PDZD2: variants seen among roughly 807,000 people sequenced by gnomAD.
The protein encoded by PDZD2 is PDZ domain containing 2.
In PDZD2, 90 loss-of-function variants were observed where a neutral mutation model predicts 220.7. The observed-to-expected ratio is 0.41, with a 90% CI of 0.34 to 0.49. The LOEUF (loss-of-function observed/expected upper bound fraction) is 0.49. PDZD2 is among the 20% of genes least tolerant of loss of function. The probability of loss-of-function intolerance (pLI) is 0.28; values close to 1 mark genes in which losing one functional copy is unlikely to be tolerated. For synonymous variants in PDZD2, 1,375 were observed against 1,450.5 expected (o/e 0.95, Z 1.18); for missense variants, 3,174 against 3,608.5 (o/e 0.88, Z 3.08).
chr5:31,740,602 C>A lies in PDZD2; in HGVS notation c.-360-58287C>A, dbSNP rs1336912580. 2.0e-5 allele frequency among the ~76,000 whole-genome samples: 3 copies of A among 148,296 alleles called. No homozygotes were observed. In the East Asian group the frequency reaches 6.1e-4, roughly 30 times the overall value. On this transcript the variant is annotated intron_variant, in intron 1 of 24. Coordinates refer to ENST00000438447, the MANE Select transcript of PDZD2 (RefSeq NM_178140.4). ...TGACCTGGGCTTAAGGGTTTTGGTACCCACTGACTGGAGAGTTTGCTCAAC... is the reference window on the plus strand; with the variant it reads ...TGACCTGGGCTTAAGGGTTTTGGTAACCACTGACTGGAGAGTTTGCTCAAC...
chr5:31,871,014 A>G (rs924326631), intron 2 of PDZD2, among the ~76,000 whole-genome samples: 14 of 152,242 alleles, frequency 9.2e-5, no homozygotes, highest in African/African-American at 2.4e-4. Flanking sequence ...AAAAATGCCA[A>G]TGCCACTGTA....
chr5:31,650,852 A>T (rs1745323397), intron 1 of PDZD2, among the ~76,000 whole-genome samples: 1 of 152,108 alleles, frequency 6.6e-6, no homozygotes, highest in Non-Finnish European at 1.5e-5. Context: ...GTTTCTTCCT[A>T]GCTGATAAGA....
intron 2 of PDZD2, among the ~76,000 whole-genome samples, chr5:31,825,394 T>C (rs1756149572): frequency 6.6e-6 from 1 of 152,218 alleles, no homozygotes; most frequent in East Asian, 1.9e-4. Flanking sequence ...GGACAGTACC[T>C]TCCAGGGGCT....
chr5:31,953,948 T>TA (rs1280418327), intron 2 of PDZD2, among the ~76,000 whole-genome samples: 3 of 151,958 alleles, frequency 2.0e-5, no homozygotes, highest in Non-Finnish European at 4.4e-5. Flanking sequence ...CGCACCTGGC[T>TA]AAAAAAATTT....
At chr5:31,831,575 C>T (rs6865046) in intron 2 of PDZD2, among the ~76,000 whole-genome samples, 52,188 of 151,874 alleles carry the variant, frequency 0.34, 9,060 homozygotes, top group Admixed American at 0.38. Flanking sequence ...GGTGAAACCC[C>T]GTCTCTACTA....
In PDZD2 at chr5:31,849,903, TAC is replaced by T. The variant is rs1197207684; in HGVS notation, c.476+50181_476+50182del. Among the ~76,000 whole-genome samples the T allele has an allele frequency of 8.2e-4, 21 of 25,680 alleles. 7 individuals carry two copies. The highest frequency in any genetic ancestry group is 4.4e-3 in the African/African-American group (20 of 4,506). The allele number at this position is 25,680 out of a possible 152,430, so 16.8% of individuals were successfully genotyped here. A position where few individuals can be genotyped will look rare whatever the true frequency, so the allele number is the denominator to read the frequency against. On this transcript the variant is annotated intron_variant, in intron 2 of 24. Coordinates refer to ENST00000438447, the MANE Select transcript of PDZD2 (RefSeq NM_178140.4). ...ATATATATATACACATATATATATATACATATATATATATACATATATATATA... is the reference window on the plus strand; with the variant it reads ...ATATATATATACACATATATATATATATATATATATATACATATATATATA...
chr5:31,761,408 G>C (rs1345313178), intron 1 of PDZD2, among the ~76,000 whole-genome samples: 1 of 150,654 alleles, frequency 6.6e-6, no homozygotes, highest in South Asian at 2.1e-4. Flanking sequence ...AGGGCTTGGG[G>C]GATAAAGGAA....
intron 2 of PDZD2, among the ~76,000 whole-genome samples, chr5:31,856,433 A>AG (rs1758452476): frequency 6.6e-6 from 1 of 152,114 alleles, no homozygotes; most frequent in Admixed American, 6.5e-5. Flanking sequence ...GAAACAAGAA[A>AG]GGGAAAGTGA....
At chr5:31,694,384 T>C (rs1747280354) in intron 1 of PDZD2, among the ~76,000 whole-genome samples, 1 of 146,020 alleles carries the variant, frequency 6.8e-6, no homozygotes, top group South Asian at 2.2e-4. Flanking sequence ...AGAGTGAGAC[T>C]CCATCTCAAA....
Position 31,696,212 on chromosome 5 carries a change from G to GATGA in PDZD2, c.-361+56788_-361+56791dup, listed in dbSNP as rs558045501. Among the ~76,000 whole-genome samples the GATGA allele has an allele frequency of 4.3e-4, 66 of 152,266 alleles. No individual in the cohort carries two copies. In the East Asian group the frequency reaches 0.012, roughly 27 times the overall value. The stretch of plus-strand genomic sequence containing the variant: ...ACCTAGAGGGGTTCAATCAGTGACT[G>GATGA]ATGAATGAATGAATGAGTGAGCGAA... On this transcript the variant is annotated intron_variant, in intron 1 of 24. Transcript: ENST00000438447.
At chr5:32,040,826 T>TC (rs1756047829) in intron 7 of PDZD2, among the ~76,000 whole-genome samples, 2 of 71,520 alleles carry the variant, frequency 2.8e-5, no homozygotes, top group Non-Finnish European at 2.8e-5. Context: ...CCAGCCGCCC[T>TC]GTCTAGGAAG....
intron 2 of PDZD2, among the ~76,000 whole-genome samples, chr5:31,810,306 A>G (rs539051978): frequency 1.5e-5 from 2 of 133,444 alleles, no homozygotes; most frequent in African/African-American, 5.7e-5. Flanking sequence ...TCTGTCGCCC[A>G]GGCTGGAGTG....
intron 1 of PDZD2, among the ~76,000 whole-genome samples, chr5:31,761,373 G>A (rs189286007): frequency 3.3e-5 from 5 of 152,080 alleles, no homozygotes; most frequent in Admixed American, 2.0e-4. Flanking sequence ...AAGATAACGT[G>A]AGAAATGTTC....
chr5:31,932,736 ACT>A (rs1197373413), intron 2 of PDZD2, among the ~76,000 whole-genome samples: 1 of 151,902 alleles, frequency 6.6e-6, no homozygotes, highest in African/African-American at 2.4e-5. Context: ...CAAAACTGAA[ACT>A]CTGGATCCAT....
chr5:31,858,398 G>T (rs1758647180), intron 2 of PDZD2, among the ~76,000 whole-genome samples: 1 of 152,324 alleles, frequency 6.6e-6, no homozygotes, highest in African/African-American at 2.4e-5. Flanking sequence ...GTACAGCTAT[G>T]ATAGTGAAAG....
chr5:31,735,656 C>T (rs1749815749), intron 1 of PDZD2, among the ~76,000 whole-genome samples: 2 of 151,674 alleles, frequency 1.3e-5, no homozygotes, highest in Admixed American at 1.3e-4. Flanking sequence ...AAAAATTAGC[C>T]TGATATGCAC....
At chr5:31,996,921 A>G (rs1478575583) in intron 4 of PDZD2, among the ~76,000 whole-genome samples, 11 of 152,168 alleles carry the variant, frequency 7.2e-5, no homozygotes, top group Admixed American at 7.2e-4. Flanking sequence ...TAATCTGAAC[A>G]ATGATCTGGA....
chr5:31,937,772 G>A (rs1030779205), intron 2 of PDZD2, among the ~76,000 whole-genome samples: 92 of 152,314 alleles, frequency 6.0e-4, no homozygotes, highest in African/African-American at 2.1e-3. Context: ...CACCTGTTGT[G>A]TGTGTCCCCT....
intron 1 of PDZD2, among the ~76,000 whole-genome samples, chr5:31,706,741 G>A (rs1747841462): frequency 6.6e-6 from 1 of 151,902 alleles, no homozygotes; most frequent in Non-Finnish European, 1.5e-5. Context: ...CTACTTGGGA[G>A]GCTGAGGCAG....
Sources: gnomAD v4.1 joint callset for allele counts (sites outside exome capture counted in the v4.1 genomes callset) on GRCh38, gnomAD v4.1.1 for gene constraint, MANE v1.5 for transcripts, NCBI Gene and HGNC (gene_info 2026-07-23, HGNC 2026-07-21) for gene names.